RAB33A: variants seen among roughly 807,000 people sequenced by gnomAD.
RAB33A encodes the protein RAB33A, member RAS oncogene family.
RAB33A carries 6 observed loss-of-function variants against 12.0 expected under a neutral mutation model. The ratio of observed to expected loss-of-function variants is 0.50; its 90% CI spans 0.27 to 0.99. The LOEUF is 0.99. Among genes scored for constraint, RAB33A ranks in the 50% least tolerant of loss-of-function variants. The probability of loss-of-function intolerance (pLI) is 0.11; values close to 1 mark genes in which losing one functional copy is unlikely to be tolerated. For missense variants in RAB33A, 109 were observed against 192.0 expected (o/e 0.57, Z 2.55); for synonymous variants, 70 against 82.4 (o/e 0.85, Z 0.81).
At chrX:130,118,937 T>C in the RAB33A span, among the ~76,000 whole-genome samples, 2 of 111,634 alleles carry the variant, frequency 1.8e-5, no homozygotes, top group Admixed American at 1.9e-4. Context: ...CAAAGCAGTA[T>C]GGTATGTGAG....
At chrX:130,165,650 G>T in the RAB33A span, 3 of 1,193,342 alleles carry the variant, frequency 2.5e-6, no homozygotes, top group Non-Finnish European at 3.4e-6. Context: ...CCTCCACACC[G>T]GAACATTTCG....
the RAB33A span, among the ~76,000 whole-genome samples, chrX:130,164,506 A>G: frequency 8.9e-6 from 1 of 112,431 alleles, no homozygotes; most frequent in Non-Finnish European, 1.9e-5. Context: ...AACTTCTGAC[A>G]TTGCAAATGC....
chrX:130,159,615 T>C, the RAB33A span, among the ~76,000 whole-genome samples: 1 of 110,989 alleles, frequency 9.0e-6, no homozygotes, highest in South Asian at 3.7e-4. Flanking sequence ...TTTTTTGTTT[T>C]TGTTTTTCTT....
At chrX:130,167,657 C>T (rs773648283), upstream of RAB33A, among the ~76,000 whole-genome samples, 4 of 112,581 alleles carry the variant, frequency 3.6e-5, no homozygotes, top group Middle Eastern at 4.6e-3. Context: ...GCAGGAGACT[C>T]GCTTGAACCT....
chrX:130,135,924 G>T, the RAB33A span: 2 of 954,199 alleles, frequency 2.1e-6, no homozygotes, highest in Non-Finnish European at 3.0e-6. Flanking sequence ...TGTACCCTCA[G>T]CCTCCAAACA....
chrX:130,151,706 A>C, the RAB33A span, among the ~76,000 whole-genome samples: 1 of 112,299 alleles, frequency 8.9e-6, no homozygotes, highest in Admixed American at 9.5e-5. Flanking sequence ...TACTATACAC[A>C]AGTCCAGTAT....
At chrX:130,122,979 C>T in the RAB33A span, among the ~76,000 whole-genome samples, 3 of 111,085 alleles carry the variant, frequency 2.7e-5, no homozygotes, top group African/African-American at 9.8e-5. Context: ...TAAACAAAAG[C>T]CATAAACTAA....
At chrX:130,129,824 C>T in the RAB33A span, 913 of 843,774 alleles carry the variant, frequency 1.1e-3, 12 homozygotes, top group African/African-American at 0.016. Flanking sequence ...AAAGAATGTT[C>T]CTGAGCCAAG....
the RAB33A span, among the ~76,000 whole-genome samples, chrX:130,144,422 C>T: frequency 6.2e-5 from 7 of 112,291 alleles, no homozygotes; most frequent in Non-Finnish European, 1.1e-4. Flanking sequence ...TCAGGTTCAT[C>T]TCTTGCCACT....
At chrX:130,150,957 G>A in the RAB33A span, among the ~76,000 whole-genome samples, 1 of 67,216 alleles carries the variant, frequency 1.5e-5, no homozygotes, top group African/African-American at 7.0e-5. Context: ...CAGCCTGGGC[G>A]ATAGAGTGAG....
chrX:130,164,702 A>C, the RAB33A span, among the ~76,000 whole-genome samples: 7 of 111,855 alleles, frequency 6.3e-5, no homozygotes, highest in African/African-American at 2.0e-4. Context: ...ATTCATTCTT[A>C]ACTTTTTGAG....
upstream of RAB33A, among the ~76,000 whole-genome samples, chrX:130,168,155 T>A (rs2031563693): frequency 9.1e-6 from 1 of 109,836 alleles, no homozygotes; most frequent in South Asian, 3.9e-4. Flanking sequence ...CCAGCCTGGA[T>A]GACAGAGCGA....
At chrX:130,119,044 G>A in the RAB33A span, among the ~76,000 whole-genome samples, 1 of 111,681 alleles carries the variant, frequency 9.0e-6, no homozygotes, top group Non-Finnish European at 1.9e-5. Context: ...GCTGACCGAG[G>A]GGAGCTAGCA....
At chrX:130,126,435 T>C in the RAB33A span, among the ~76,000 whole-genome samples, 8 of 108,275 alleles carry the variant, frequency 7.4e-5, no homozygotes, top group Middle Eastern at 4.6e-3. Flanking sequence ...GAGGTTGCAG[T>C]GAGCTGAGAT....
At chrX:130,129,513 C>CGAGG in the RAB33A span, 12 of 1,136,018 alleles carry the variant, frequency 1.1e-5, no homozygotes, top group South Asian at 2.2e-4. Context: ...CATTCGACCT[C>CGAGG]CTCTCAGGGG....
chrX:130,134,021 T>A, the RAB33A span, among the ~76,000 whole-genome samples: 1 of 110,327 alleles, frequency 9.1e-6, no homozygotes. Context: ...GGTGGGTGGA[T>A]CACAAGGAGT....
At chrX:130,125,387 C>G in the RAB33A span, among the ~76,000 whole-genome samples, 1 of 111,402 alleles carries the variant, frequency 9.0e-6, no homozygotes, top group Non-Finnish European at 1.9e-5. Context: ...CTGAGTGTAT[C>G]TGTGTGTGGT....
chrX:130,176,376 A>G (rs184766492), intron 1 of RAB33A, among the ~76,000 whole-genome samples: 176 of 111,840 alleles, frequency 1.6e-3, no homozygotes, highest in Non-Finnish European at 2.4e-3. Context: ...ACTTCTGTCT[A>G]TAATAGTTTG....
chrX:130,158,704 TAAAAAAAAAAA>T, the RAB33A span, among the ~76,000 whole-genome samples: 21 of 44,065 alleles, frequency 4.8e-4, no homozygotes, highest in East Asian at 0.017. Context: ...GCTGATGAGC[TAAAAAAAAAAA>T]AAAAAAAAAA....
Sources: allele counts gnomAD v4.1 joint callset (sites outside exome capture counted in the v4.1 genomes callset), GRCh38; gene constraint gnomAD v4.1.1; transcripts MANE v1.5; gene names NCBI Gene and HGNC (gene_info 2026-07-23, HGNC 2026-07-21).